CNTNAP2: variants seen among roughly 807,000 people sequenced by gnomAD.
CNTNAP2 encodes the protein contactin associated protein 2, also known as contactin-associated protein-like 2.
Under a neutral mutation model 155.2 loss-of-function variants are expected in CNTNAP2, and 98 were observed. That is an observed-to-expected ratio of 0.63 (90% CI 0.54 to 0.75). The LOEUF (loss-of-function observed/expected upper bound fraction) is 0.75. Ranked by LOEUF, CNTNAP2 falls within the 30% of genes least tolerant of loss-of-function variation. The pLI is 0.00. For synonymous variants in CNTNAP2, 651 were observed against 631.2 expected (o/e 1.03, Z -0.47); for missense variants, 1,727 against 1,688.1 (o/e 1.02, Z -0.40).
At chr7:146,810,642 C>T (rs1174981438) in intron 2 of CNTNAP2, among the ~76,000 whole-genome samples, 1 of 151,150 alleles carries the variant, frequency 6.6e-6, no homozygotes, top group Non-Finnish European at 1.5e-5. Context: ...TTTTTAAACC[C>T]AACTGCTCTA....
intron 12 of CNTNAP2, among the ~76,000 whole-genome samples, chr7:147,592,716 A>G (rs534328923): frequency 6.6e-6 from 1 of 152,328 alleles, no homozygotes; most frequent in South Asian, 2.1e-4. Context: ...TTTCACGACA[A>G]GAACAAAAAA....
At chr7:146,678,078 T>C (rs998304912) in intron 1 of CNTNAP2, among the ~76,000 whole-genome samples, 5 of 152,140 alleles carry the variant, frequency 3.3e-5, no homozygotes, top group South Asian at 2.1e-4. Context: ...TTTATTTAGT[T>C]TGAGCTGGAG....
intron 14 of CNTNAP2, among the ~76,000 whole-genome samples, chr7:147,958,020 A>G (rs1268926064): frequency 1.3e-5 from 2 of 152,186 alleles, no homozygotes; most frequent in African/African-American, 2.4e-5. Flanking sequence ...GGCTGCAGTG[A>G]CAGATGTTTG....
intron 18 of CNTNAP2, among the ~76,000 whole-genome samples, chr7:148,214,512 CTA>C (rs1311011508): frequency 2.0e-5 from 3 of 152,156 alleles, no homozygotes; most frequent in Non-Finnish European, 4.4e-5. Flanking sequence ...CTGTTCAATC[CTA>C]TGTTTTCCAA....
chr7:147,300,252 C>T lies in CNTNAP2; in HGVS notation c.1460C>T (p.Pro487Leu). The part of the protein sequence containing the change: ...DEASAVRTNS[P>L]LQVKTGEKYF... Reference sequence around the variant, plus strand: ...GCATCAGCAGTTCGAACTAATAGTCCCCTTCAAGTTAAAACTGGCGAGAAG... The same window carrying T: ...GCATCAGCAGTTCGAACTAATAGTCTCCTTCAAGTTAAAACTGGCGAGAAG... Residue 487 changes from proline to leucine, a missense_variant, in exon 9 of 24, where the codon CCC (proline) becomes CTC (leucine). Coordinates refer to ENST00000361727, the MANE Select transcript of CNTNAP2 (RefSeq NM_014141.6). 6.2e-7 allele frequency: 1 copy of T among 1,613,822 alleles called. No homozygotes were observed. Among genetic ancestry groups the T allele is most frequent in the Non-Finnish European group, 8.5e-7 (1 of 1,179,900 alleles).
intron 8 of CNTNAP2, among the ~76,000 whole-genome samples, chr7:147,222,919 C>A (rs1339086625): frequency 2.0e-5 from 3 of 150,522 alleles, no homozygotes; most frequent in African/African-American, 7.3e-5. Context: ...TATGATAGAA[C>A]CCCAACAGGT....
intron 2 of CNTNAP2, among the ~76,000 whole-genome samples, chr7:146,811,182 G>C (rs965274976): frequency 1.3e-5 from 2 of 151,976 alleles, no homozygotes; most frequent in Admixed American, 6.6e-5. Flanking sequence ...CTCAATTTTT[G>C]GGGGGGAGAT....
intron 15 of CNTNAP2, among the ~76,000 whole-genome samples, chr7:148,044,098 A>G (rs1329306501): frequency 6.6e-6 from 1 of 152,252 alleles, no homozygotes; most frequent in African/African-American, 2.4e-5. Flanking sequence ...GCATAAGGAG[A>G]TAACACGGTA....
intron 12 of CNTNAP2, among the ~76,000 whole-genome samples, chr7:147,586,617 G>A (rs1408009980): frequency 1.3e-5 from 2 of 150,630 alleles, no homozygotes; most frequent in South Asian, 4.2e-4. Flanking sequence ...GAATGGGAGG[G>A]TAAAGAATGA....
Position 147,981,817 on chromosome 7 carries a change from G to GT in CNTNAP2, c.2383+3828_2383+3829insT, listed in dbSNP as rs758963411. ...TGTGTGTGTGTGTGTGTGTGTGTGTGGTTTTTTTTTTCTTTCATTCTTTCT... is the reference window on the plus strand; with the variant it reads ...TGTGTGTGTGTGTGTGTGTGTGTGTGTGTTTTTTTTTTCTTTCATTCTTTCT... On this transcript the variant is annotated intron_variant, in intron 15 of 23. Transcript: ENST00000361727. 3.4e-3 allele frequency among the ~76,000 whole-genome samples: 475 copies of GT among 138,988 alleles called. 4 individuals are homozygous for GT. Among genetic ancestry groups the GT allele is most frequent in the Middle Eastern group, 0.015 (4 of 266 alleles). 91.2% of individuals were successfully genotyped at this position (138,988 alleles called of 152,430 possible).
chr7:147,562,931 A>G (rs1481284950), intron 12 of CNTNAP2, among the ~76,000 whole-genome samples: 2 of 152,210 alleles, frequency 1.3e-5, no homozygotes, highest in East Asian at 3.9e-4. Flanking sequence ...TGAGGTATGC[A>G]TTATTTACTG....
At chr7:147,940,412 A>G (rs1341580679) in intron 14 of CNTNAP2, 2 of 152,116 alleles carry the variant, frequency 1.3e-5, no homozygotes, top group Non-Finnish European at 2.9e-5. Flanking sequence ...TAAAAAGCAG[A>G]GTAAAACTTA....
chr7:148,142,788 C>G (rs999431494), intron 16 of CNTNAP2, among the ~76,000 whole-genome samples: 1 of 152,190 alleles, frequency 6.6e-6, no homozygotes, highest in African/African-American at 2.4e-5. Context: ...ATTTATCGCT[C>G]AATATACTAA....
intron 21 of CNTNAP2, among the ~76,000 whole-genome samples, chr7:148,284,036 A>T (rs959312402): frequency 1.3e-5 from 2 of 152,258 alleles, no homozygotes; most frequent in Non-Finnish European, 2.9e-5. Context: ...GCTACTGCAA[A>T]TAGTGACAAT....
At chr7:147,287,038 A>G (rs1805195336) in intron 8 of CNTNAP2, among the ~76,000 whole-genome samples, 1 of 152,158 alleles carries the variant, frequency 6.6e-6, no homozygotes, top group African/African-American at 2.4e-5. Context: ...ATGGTGAGAA[A>G]TATTTTATTC....
chr7:147,208,404 C>T (rs980398330), intron 8 of CNTNAP2, among the ~76,000 whole-genome samples: 1 of 152,008 alleles, frequency 6.6e-6, no homozygotes, highest in African/African-American at 2.4e-5. Flanking sequence ...CTTCAGCTTC[C>T]ATAAGAGCAT....
At chr7:148,290,491 C>T (rs1797170828) in intron 21 of CNTNAP2, among the ~76,000 whole-genome samples, 1 of 152,190 alleles carries the variant, frequency 6.6e-6, no homozygotes, top group South Asian at 2.1e-4. Context: ...TTTTGATTCT[C>T]ATTGTGAAGG....
intron 13 of CNTNAP2, among the ~76,000 whole-genome samples, chr7:147,899,968 C>G (rs374299204): frequency 4.4e-4 from 67 of 152,248 alleles, no homozygotes; most frequent in Middle Eastern, 3.4e-3. Context: ...TCCATTCTTT[C>G]CACTGCCTAC....
intron 1 of CNTNAP2, among the ~76,000 whole-genome samples, chr7:146,644,750 C>T (rs959442746): frequency 4.6e-5 from 7 of 152,046 alleles, no homozygotes; most frequent in African/African-American, 7.2e-5. Flanking sequence ...ATAAATTCCT[C>T]GACACATACA....
Sources: allele counts gnomAD v4.1 joint callset (sites outside exome capture counted in the v4.1 genomes callset), GRCh38; gene constraint gnomAD v4.1.1; transcripts MANE v1.5; gene names NCBI Gene and HGNC (gene_info 2026-07-23, HGNC 2026-07-21).